The following PDE4D variants were observed in gnomAD, a reference collection of about 807,000 sequenced individuals.
PDE4D encodes the protein 3',5'-cyclic-AMP phosphodiesterase 4D.
PDE4D carries 24 observed loss-of-function variants against 87.4 expected under a neutral mutation model. The ratio of observed to expected loss-of-function variants is 0.27; its 90% CI spans 0.20 to 0.39. The LOEUF (loss-of-function observed/expected upper bound fraction) is 0.39, where lower values mean the gene tolerates loss of function less well. PDE4D is among the 10% of genes least tolerant of loss of function. PDE4D has a pLI of 1.00. For missense variants in PDE4D, 714 were observed against 1,041.0 expected (o/e 0.69, Z 4.32); for synonymous variants, 384 against 383.2 (o/e 1.00, Z -0.02).
intron 1 of PDE4D, among the ~76,000 whole-genome samples, chr5:59,343,837 TA>T (rs1338902135): frequency 1.3e-5 from 2 of 152,160 alleles, no homozygotes; most frequent in African/African-American, 4.8e-5. Context: ...GAAGTTAAGG[TA>T]ACTTGTCCAT....
intron 2 of PDE4D, among the ~76,000 whole-genome samples, chr5:60,141,549 G>A (rs1037556303): frequency 1.1e-4 from 16 of 152,014 alleles, no homozygotes; most frequent in African/African-American, 2.7e-4. Flanking sequence ...AGGACTCTTC[G>A]GTGAGCCCAG....
chr5:59,066,477 C>T (rs1413315295), intron 5 of PDE4D, among the ~76,000 whole-genome samples: 1 of 152,066 alleles, frequency 6.6e-6, no homozygotes, highest in Non-Finnish European at 1.5e-5. Context: ...AGCCTGCCCA[C>T]CATTTGTTAC....
At chr5:59,629,339 T>C (rs879575763) in intron 1 of PDE4D, among the ~76,000 whole-genome samples, 2 of 152,088 alleles carry the variant, frequency 1.3e-5, no homozygotes, top group Non-Finnish European at 2.9e-5. Flanking sequence ...TGAGGTCATA[T>C]AGGAGTAAGA....
At chr5:59,603,536 C>T (rs921296520) in intron 1 of PDE4D, among the ~76,000 whole-genome samples, 6 of 152,016 alleles carry the variant, frequency 3.9e-5, no homozygotes, top group Admixed American at 3.3e-4. Context: ...AACCCTTGTA[C>T]ACTGTTGATG....
At chr5:59,590,966 A>G (rs1204238251) in intron 1 of PDE4D, among the ~76,000 whole-genome samples, 2 of 152,178 alleles carry the variant, frequency 1.3e-5, no homozygotes, top group Admixed American at 6.6e-5. Flanking sequence ...GGTTATGCTC[A>G]TAAGAGTGAA....
At chr5:60,279,379 G>A (rs1192462773) in intron 1 of PDE4D, among the ~76,000 whole-genome samples, 2 of 152,170 alleles carry the variant, frequency 1.3e-5, no homozygotes, top group Non-Finnish European at 2.9e-5. Context: ...ATGGAGCTCA[G>A]TGATGATAAA....
chr5:59,294,592 C>T (rs1441146538), intron 1 of PDE4D, among the ~76,000 whole-genome samples: 1 of 152,154 alleles, frequency 6.6e-6, no homozygotes, highest in Non-Finnish European at 1.5e-5. Context: ...TTCTATGCCT[C>T]AGTCTCCTCA....
chr5:59,734,468 C>G (rs931652517), intron 1 of PDE4D, among the ~76,000 whole-genome samples: 1 of 152,196 alleles, frequency 6.6e-6, no homozygotes, highest in South Asian at 2.1e-4. Context: ...CTGAGACAAG[C>G]CTATAAAGAA....
chr5:59,281,936 A>C (rs1765869347), intron 1 of PDE4D, among the ~76,000 whole-genome samples: 1 of 152,230 alleles, frequency 6.6e-6, no homozygotes, highest in African/African-American at 2.4e-5. Flanking sequence ...TTGAGAAATC[A>C]ATGTACTTGC....
At chr5:59,376,006 C>T (rs1377803250) in intron 1 of PDE4D, among the ~76,000 whole-genome samples, 1 of 152,148 alleles carries the variant, frequency 6.6e-6, no homozygotes, top group Non-Finnish European at 1.5e-5. Flanking sequence ...GTTAAAAACT[C>T]TCAATAAACT....
rs1005338269 is a variant in PDE4D at position 59,125,207 on chromosome 5, G to A, written c.808+55388C>T. 6.4e-6 allele frequency: 5 copies of A among 776,660 alleles called. No homozygotes were observed. In the African/African-American group the frequency reaches 9.4e-5, roughly 15 times the overall value. The allele number at this position is 776,660 out of a possible 1,614,324, so 48.1% of individuals were successfully genotyped here. On this transcript the variant is annotated intron_variant, in intron 5 of 14. Transcript: ENST00000340635. ...GGCTCATTAAGCTAGAGTTAGACTG[G>A]TGTCCATAATCAAATTTACTGCACT...
intron 1 of PDE4D, among the ~76,000 whole-genome samples, chr5:60,192,568 G>A (rs1030749469): frequency 9.2e-5 from 14 of 152,094 alleles, no homozygotes; most frequent in Non-Finnish European, 2.9e-5. Context: ...CCTTCATGAT[G>A]TACTATGTAA....
intron 1 of PDE4D, among the ~76,000 whole-genome samples, chr5:59,237,667 G>A (rs189063953): frequency 6.6e-6 from 1 of 152,248 alleles, no homozygotes; most frequent in East Asian, 1.9e-4. Flanking sequence ...TCTGGTCTAT[G>A]CTTGCATCTT....
At chr5:60,237,914 AAAAC>A (rs781592294) in intron 1 of PDE4D, among the ~76,000 whole-genome samples, 4 of 151,912 alleles carry the variant, frequency 2.6e-5, no homozygotes, top group Non-Finnish European at 5.9e-5. Flanking sequence ...GTTGGGGAAA[AAAAC>A]AAACAATTCC....
chr5:60,386,732 A>G (rs1273119110), intron 1 of PDE4D, among the ~76,000 whole-genome samples: 1 of 152,258 alleles, frequency 6.6e-6, no homozygotes, highest in Non-Finnish European at 1.5e-5. Flanking sequence ...CTTCCTGGAG[A>G]CAAAAGAGGA....
intron 5 of PDE4D, among the ~76,000 whole-genome samples, chr5:59,160,163 T>C (rs1269241162): frequency 6.6e-6 from 1 of 152,226 alleles, no homozygotes; most frequent in Non-Finnish European, 1.5e-5. Flanking sequence ...GTAGGAAATC[T>C]AAGGATGGAG....
chr5:60,442,273 A>C (rs1301337273), intron 1 of PDE4D, among the ~76,000 whole-genome samples: 1 of 152,194 alleles, frequency 6.6e-6, no homozygotes, highest in Non-Finnish European at 1.5e-5. Flanking sequence ...AAAAAGGATG[A>C]GTTCATGTCC....
At chr5:59,177,828 C>T (rs1784136975) in intron 5 of PDE4D, among the ~76,000 whole-genome samples, 1 of 152,176 alleles carries the variant, frequency 6.6e-6, no homozygotes, top group Non-Finnish European at 1.5e-5. Flanking sequence ...CGAACCTGTA[C>T]CTGGGGCCTC....
Position 59,193,610 on chromosome 5 carries a change from C to G in PDE4D, c.648-74G>C, listed in dbSNP as rs1744800816. 8.2e-6 allele frequency: 13 copies of G among 1,581,684 alleles called. No individual in the cohort carries two copies. In the South Asian group the frequency reaches 1.3e-4, roughly 16 times the overall value. ...CTCAGTGTCGTTCAATATTAAACGG[C>G]AAGTTCCACTTTCATGAGTTCCCAT... On this transcript the variant is annotated intron_variant, in intron 2 of 14. Transcript: ENST00000340635.
Sources: allele counts gnomAD v4.1 joint callset (sites outside exome capture counted in the v4.1 genomes callset), GRCh38; gene constraint gnomAD v4.1.1; transcripts MANE v1.5; gene names NCBI Gene and HGNC (gene_info 2026-07-23, HGNC 2026-07-21).